The following RIMS1 variants were observed in gnomAD, a reference collection of about 807,000 sequenced individuals.
The protein encoded by RIMS1 is regulating synaptic membrane exocytosis protein 1.
A neutral mutation model predicts 214.1 loss-of-function variants in RIMS1; 83 were observed. That is an observed-to-expected ratio of 0.39 (90% CI 0.32 to 0.47). RIMS1 has a LOEUF of 0.47. RIMS1 is among the 20% of genes least tolerant of loss of function. RIMS1 has a pLI of 0.99. For synonymous variants in RIMS1, 793 were observed against 786.8 expected, an observed-to-expected ratio of 1.01 and a Z score of -0.13; for missense variants, 2,050 against 2,161.8, an observed-to-expected ratio of 0.95 and a Z score of 1.03.
chr6:72,296,689 A>ATT (rs1411594996), intron 26 of RIMS1, among the ~76,000 whole-genome samples: 1 of 151,850 alleles, frequency 6.6e-6, no homozygotes, highest in African/African-American at 2.4e-5. Flanking sequence ...ATATTTAATA[A>ATT]TTATATAATT....
At chr6:71,893,898 T>A (rs779183728) in intron 1 of RIMS1, among the ~76,000 whole-genome samples, 4 of 152,180 alleles carry the variant, frequency 2.6e-5, no homozygotes, top group Non-Finnish European at 5.9e-5. Context: ...CTTTATCTGT[T>A]TATACCAATT....
chr6:72,335,762 A>G (rs2096823059), intron 29 of RIMS1, among the ~76,000 whole-genome samples: 2 of 151,976 alleles, frequency 1.3e-5, no homozygotes, highest in Non-Finnish European at 2.9e-5. Context: ...AATGATTGCC[A>G]TTCTAAATGG....
At chr6:72,124,747 C>G (rs2039149197) in intron 4 of RIMS1, among the ~76,000 whole-genome samples, 1 of 151,860 alleles carries the variant, frequency 6.6e-6, no homozygotes, top group African/African-American at 2.4e-5. Flanking sequence ...TCTCTGATAC[C>G]CTTTCTTCCA....
chr6:72,210,534 G>A (rs773814174), intron 6 of RIMS1, among the ~76,000 whole-genome samples: 1 of 152,178 alleles, frequency 6.6e-6, no homozygotes, highest in Non-Finnish European at 1.5e-5. Flanking sequence ...TCTCATGGAG[G>A]ATCTTAGCCA....
chr6:72,148,126 A>G (rs1335031683), intron 4 of RIMS1, among the ~76,000 whole-genome samples: 1 of 152,226 alleles, frequency 6.6e-6, no homozygotes. Context: ...GCTTCAGGAA[A>G]TTAAGCTTTT....
intron 2 of RIMS1, among the ~76,000 whole-genome samples, chr6:72,066,638 A>G (rs971427057): frequency 6.6e-6 from 1 of 152,186 alleles, no homozygotes. Flanking sequence ...AATAGTTTTT[A>G]TATCTTAGAA....
chr6:71,933,950 G>A (rs1783830232), intron 1 of RIMS1, among the ~76,000 whole-genome samples: 1 of 151,958 alleles, frequency 6.6e-6, no homozygotes, highest in South Asian at 2.1e-4. Flanking sequence ...TTACTTTGTG[G>A]GCCTTACTGG....
intron 28 of RIMS1, among the ~76,000 whole-genome samples, chr6:72,330,220 A>G (rs1033616416): frequency 6.6e-6 from 1 of 151,852 alleles, no homozygotes; most frequent in Non-Finnish European, 1.5e-5. Context: ...AAAGACTGGT[A>G]AGTGACAGGA....
intron 28 of RIMS1, among the ~76,000 whole-genome samples, chr6:72,321,819 C>T (rs377749335): frequency 2.0e-5 from 3 of 151,954 alleles, no homozygotes; most frequent in South Asian, 2.1e-4. Context: ...TCAGTTATCC[C>T]CTTCTGGGGA....
At chr6:72,121,150 C>G (rs2153830943) in intron 4 of RIMS1, among the ~76,000 whole-genome samples, 1 of 151,878 alleles carries the variant, frequency 6.6e-6, no homozygotes, top group Non-Finnish European at 1.5e-5. Flanking sequence ...TTTTTCAGTT[C>G]CATAAGAACT....
intron 4 of RIMS1, among the ~76,000 whole-genome samples, chr6:72,114,259 G>T (rs1400308982): frequency 6.6e-6 from 1 of 151,948 alleles, no homozygotes; most frequent in South Asian, 2.1e-4. Context: ...TGTGTACAGA[G>T]TAGTTTCTAA....
Position 72,260,647 on chromosome 6 carries a change from G to A in RIMS1, c.3054-58G>A, listed in dbSNP as rs367579766. 1.6e-5 allele frequency: 26 copies of A among 1,596,524 alleles called. No individual in the cohort carries two copies. The East Asian group carries it at 4.5e-4, about 28-fold the overall frequency. On this transcript the variant is annotated intron_variant, in intron 18 of 33. Coordinates refer to ENST00000521978, the MANE Select transcript of RIMS1 (RefSeq NM_014989.7). Reference sequence around the variant, plus strand: ...TCATGTTTTCATTGGCATACCATTGGCATAACCCATGTCTCATAATTTATC... The same window carrying A: ...TCATGTTTTCATTGGCATACCATTGACATAACCCATGTCTCATAATTTATC...
chr6:72,303,981 C>A (rs543311221), intron 26 of RIMS1, among the ~76,000 whole-genome samples: 2 of 151,198 alleles, frequency 1.3e-5, no homozygotes, highest in Non-Finnish European at 3.0e-5. Context: ...CTTTATCTTT[C>A]GACTTTATTA....
At chr6:71,986,346 C>T (rs1440825808) in intron 2 of RIMS1, among the ~76,000 whole-genome samples, 2 of 151,960 alleles carry the variant, frequency 1.3e-5, no homozygotes, top group East Asian at 1.9e-4. Flanking sequence ...TCTTATTCCT[C>T]GTCTGACTGA....
At position 72,313,602 on chromosome 6, in the gene RIMS1, A is replaced by G; in HGVS notation, c.4060A>G (p.Ser1354Gly). The change falls in exon 28 of 34, where the codon AGC becomes GGC. Residue 1354 changes from serine to glycine, a missense_variant. This residue lies in a region of RIMS1 where 889 missense variants were observed against 885.5 expected (regional missense o/e 1.00). Coordinates refer to ENST00000521978, the MANE Select transcript of RIMS1 (RefSeq NM_014989.7). ...TGATGTTTCCGCCATTTCCCGAACC[A>G]GCAGTGCCTCACGCCTCAGCAGCAC... ...VSDVSAISRT[S>G]SASRLSSTSF... The G allele has an allele frequency of 1.2e-6, 2 of 1,613,810 alleles. No homozygotes were observed. The highest frequency in any genetic ancestry group is 1.7e-6 in the Non-Finnish European group (2 of 1,179,802).
chr6:72,008,246 TA>T (rs1562095598), intron 2 of RIMS1, among the ~76,000 whole-genome samples: 2 of 152,040 alleles, frequency 1.3e-5, no homozygotes, highest in Non-Finnish European at 2.9e-5. Context: ...GAAGGAGAAA[TA>T]AAATACTTTA....
intron 6 of RIMS1, among the ~76,000 whole-genome samples, chr6:72,210,038 T>C (rs2154005226): frequency 6.6e-6 from 1 of 152,294 alleles, no homozygotes; most frequent in Admixed American, 6.5e-5. Flanking sequence ...AGAGCTGAGC[T>C]GATAGTTTGT....
intron 29 of RIMS1, among the ~76,000 whole-genome samples, chr6:72,358,927 T>A (rs2097732572): frequency 6.6e-6 from 1 of 152,144 alleles, no homozygotes; most frequent in African/African-American, 2.4e-5. Flanking sequence ...AACAGAGCCT[T>A]AGCCATAAAT....
chr6:72,098,542 G>T (rs1395541793), intron 3 of RIMS1, among the ~76,000 whole-genome samples: 1 of 149,084 alleles, frequency 6.7e-6, no homozygotes, highest in Non-Finnish European at 1.5e-5. Flanking sequence ...TGATCCGCCC[G>T]TCTCGGCTTC....
Sources: allele counts gnomAD v4.1 joint callset (sites outside exome capture counted in the v4.1 genomes callset), GRCh38; gene constraint gnomAD v4.1.1; regional missense constraint gnomAD v4.1.1; transcripts MANE v1.5; gene names NCBI Gene and HGNC (gene_info 2026-07-23, HGNC 2026-07-21).